PRH1: variants seen among roughly 807,000 people sequenced by gnomAD.
The protein encoded by PRH1 is proline rich protein HaeIII subfamily 1.
In PRH1, 7 loss-of-function variants were observed where a neutral mutation model predicts 7.9. The ratio of observed to expected loss-of-function variants is 0.89; its 90% confidence interval spans 0.50 to 1.67. The LOEUF (loss-of-function observed/expected upper bound fraction) is 1.67, where lower values mean the gene tolerates loss of function less well. Ranked by LOEUF, PRH1 falls within the 40% of genes most tolerant of loss-of-function variation. The pLI is 0.00. For synonymous variants in PRH1, 45 were observed against 80.8 expected (o/e 0.56, Z 2.38); for missense variants, 109 against 223.6 (o/e 0.49, Z 3.27).
intron 1 of PRH1, among the ~76,000 whole-genome samples, chr12:11,075,344 A>G (rs74385741): frequency 0.26 from 23,172 of 89,380 alleles, 1,484 homozygotes; most frequent in Non-Finnish European, 0.32. Context: ...GATTGGGTAC[A>G]TTTACAAACA....
intron 1 of PRH1, among the ~76,000 whole-genome samples, chr12:11,058,721 C>A (rs772513706): frequency 6.6e-6 from 1 of 152,210 alleles, no homozygotes; most frequent in Non-Finnish European, 1.5e-5. Flanking sequence ...GGACTCTGTG[C>A]ACGTCTCTGA....
At position 11,112,435 on chromosome 12, in the gene PRH1, T is replaced by C. The variant is rs148201519; in HGVS notation, n.123+58987A>G. ...TACTGGCAAGCCAAATCCAGCAGCA[T>C]ATAAAAAGGCTTATCCACCAAGATC... On this transcript the variant is annotated intron_variant and non_coding_transcript_variant, in intron 1 of 4. Coordinates refer to the PRH1 transcript ENST00000541977. Among the ~76,000 whole-genome samples the C allele has an allele frequency of 1.3e-4, 20 of 152,194 alleles. No homozygotes were observed. In the East Asian group the frequency reaches 3.7e-3, roughly 28 times the overall value.
intron 1 of PRH1, among the ~76,000 whole-genome samples, chr12:11,053,057 T>A (rs1943218764): frequency 6.6e-6 from 1 of 152,294 alleles, no homozygotes; most frequent in Non-Finnish European, 1.5e-5. Context: ...AAACTGGAAA[T>A]TAAGTTGATG....
At chr12:10,990,741 A>T (rs1565528035) in intron 1 of PRH1, among the ~76,000 whole-genome samples, 1 of 152,210 alleles carries the variant, frequency 6.6e-6, no homozygotes, top group Non-Finnish European at 1.5e-5. Flanking sequence ...GTATGGCAGC[A>T]GTTTAGATGA....
intron 1 of PRH1, chr12:10,997,824 T>C (rs917131548): frequency 6.2e-7 from 1 of 1,612,060 alleles, no homozygotes; most frequent in Non-Finnish European, 8.5e-7. Context: ...TTTCCAAGAA[T>C]AAATGCAACC....
Position 11,090,076 on chromosome 12 carries a change from T to A in PRH1, n.124-42888A>T, listed in dbSNP as rs1364691434. Among the ~76,000 whole-genome samples, 2 of 111,664 alleles carry A rather than the reference T, an allele frequency of 1.8e-5. 1 individual carries two copies. Among genetic ancestry groups the A allele is most frequent in the South Asian group, 4.9e-4 (2 of 4,116 alleles). 73.3% of individuals were successfully genotyped at this position (111,664 alleles called of 152,430 possible). On this transcript the variant is annotated intron_variant and non_coding_transcript_variant, in intron 1 of 4. Coordinates refer to the PRH1 transcript ENST00000541977. ...CCACCCATTTATTTGTTCATTAAAG[T>A]ATTAATGAACGTAATAGAATTTAGC... is the stretch of plus-strand genomic sequence containing the variant.
chr12:10,884,537 T>C (rs1387079318), upstream of PRH1, among the ~76,000 whole-genome samples: 1 of 152,188 alleles, frequency 6.6e-6, no homozygotes, highest in Non-Finnish European at 1.5e-5. Context: ...TTTAGACATC[T>C]TTTGGTTTTC....
chr12:11,057,282 G>C (rs778979102), intron 1 of PRH1, among the ~76,000 whole-genome samples: 82 of 152,320 alleles, frequency 5.4e-4, no homozygotes, highest in Non-Finnish European at 9.8e-4. Context: ...ACAGGCATGA[G>C]CCATCACATC....
chr12:11,027,977 C>G (rs1216527271), intron 1 of PRH1, among the ~76,000 whole-genome samples: 1 of 152,200 alleles, frequency 6.6e-6, no homozygotes, highest in Non-Finnish European at 1.5e-5. Flanking sequence ...ATAAAGCCAG[C>G]CATGACTGGA....
chr12:10,996,071 C>T (rs1940212425), intron 1 of PRH1, among the ~76,000 whole-genome samples: 2 of 151,780 alleles, frequency 1.3e-5, no homozygotes, highest in Non-Finnish European at 2.9e-5. Flanking sequence ...AATCCCAGCA[C>T]TTTGGGAGGC....
intron 1 of PRH1, among the ~76,000 whole-genome samples, chr12:11,035,380 T>C (rs1942394556): frequency 6.6e-6 from 1 of 152,198 alleles, no homozygotes. Context: ...TGGGTAGTTA[T>C]CTTCAAATTC....
intron 1 of PRH1, among the ~76,000 whole-genome samples, chr12:11,157,111 G>C (rs1048462510): frequency 1.3e-5 from 2 of 151,764 alleles, no homozygotes; most frequent in African/African-American, 2.4e-5. Context: ...CTCCCAAAGT[G>C]CTGGGATTAC....
At chr12:10,942,570 T>C (rs1000962345) in intron 2 of PRH1, among the ~76,000 whole-genome samples, 1 of 152,146 alleles carries the variant, frequency 6.6e-6, no homozygotes, top group African/African-American at 2.4e-5. Context: ...GCCTCCCCAA[T>C]GGCACCCTGT....
chr12:11,044,801 T>G (rs543007121), intron 1 of PRH1, among the ~76,000 whole-genome samples: 1 of 152,142 alleles, frequency 6.6e-6, no homozygotes, highest in Non-Finnish European at 1.5e-5. Flanking sequence ...CCAAAAGGCA[T>G]GTAACAAGTG....
intron 1 of PRH1, among the ~76,000 whole-genome samples, chr12:10,983,946 AAGATACTCGTTTAGTGTT>A: frequency 6.6e-6 from 1 of 152,226 alleles, no homozygotes; most frequent in East Asian, 1.9e-4. Context: ...ACCCAAGGCT[AAGATACTCGTTTAGTGTT>A]ATAATTGTTA....
At chr12:11,062,242 A>C (rs953625326) in intron 1 of PRH1, 1 of 1,613,260 alleles carries the variant, frequency 6.2e-7, no homozygotes, top group African/African-American at 1.3e-5. Context: ...ATTTCCAATC[A>C]CAAATGTAAC....
chr12:11,157,665 T>G (rs1419632230), intron 1 of PRH1, among the ~76,000 whole-genome samples: 1 of 152,252 alleles, frequency 6.6e-6, no homozygotes, highest in African/African-American at 2.4e-5. Context: ...ACTCAACTTC[T>G]AACTCTAAAT....
chr12:11,134,016 T>C lies in PRH1; in HGVS notation n.40-12836A>G, dbSNP rs755137562. 4 of 1,613,998 alleles carry C rather than the reference T, an allele frequency of 2.5e-6. No individual in the cohort carries two copies. In the African/African-American group the frequency reaches 5.3e-5, roughly 22 times the overall value. Reference sequence around the variant, plus strand: ...TAAGCAGTAATTCTTACTTCTACACTATAAAAAGCTGGATTCAACTGAGTT... The same window carrying C: ...TAAGCAGTAATTCTTACTTCTACACCATAAAAAGCTGGATTCAACTGAGTT... On this transcript the variant is annotated intron_variant and non_coding_transcript_variant, in intron 1 of 1. Coordinates refer to the PRH1 transcript ENST00000541175.
At chr12:11,065,728 T>C (rs1047809530) in intron 1 of PRH1, among the ~76,000 whole-genome samples, 3 of 152,214 alleles carry the variant, frequency 2.0e-5, no homozygotes, top group African/African-American at 4.8e-5. Context: ...TTTTTGTAAA[T>C]TTTTAGCACA....
Sources: allele counts gnomAD v4.1 joint callset (sites outside exome capture counted in the v4.1 genomes callset), GRCh38; gene constraint gnomAD v4.1.1; transcripts MANE v1.5; gene names NCBI Gene and HGNC (gene_info 2026-07-23, HGNC 2026-07-21).